The following TMEM17 variants were observed in gnomAD, a reference collection of about 807,000 sequenced individuals.
TMEM17 encodes transmembrane protein 17.
TMEM17 carries 15 observed loss-of-function variants against 19.1 expected under a neutral mutation model. The observed-to-expected ratio is 0.78, with a 90% confidence interval of 0.52 to 1.21. The LOEUF is 1.21. Among genes scored for constraint, TMEM17 ranks in the 50% most tolerant of loss-of-function variants. The probability of loss-of-function intolerance (pLI) is 0.00; values close to 1 mark genes in which losing one functional copy is unlikely to be tolerated. For synonymous variants in TMEM17, 103 were observed against 86.9 expected (o/e 1.19, Z -1.03); for missense variants, 245 against 242.3 (o/e 1.01, Z -0.07).
At chr2:62,493,771 G>C in the TMEM17 span, among the ~76,000 whole-genome samples, 1 of 152,052 alleles carries the variant, frequency 6.6e-6, no homozygotes, top group Non-Finnish European at 1.5e-5. Flanking sequence ...TTTAAATATA[G>C]ATAGACCATT....
the TMEM17 span, among the ~76,000 whole-genome samples, chr2:62,480,324 C>T: frequency 6.6e-6 from 1 of 152,042 alleles, no homozygotes; most frequent in South Asian, 2.1e-4. Context: ...TACTTCTCCT[C>T]CATTGTGAAT....
chr2:62,458,488 G>A, the TMEM17 span, among the ~76,000 whole-genome samples: 2 of 152,214 alleles, frequency 1.3e-5, no homozygotes, highest in Admixed American at 1.3e-4. Flanking sequence ...CCAGCCATGA[G>A]GCTTTGGGAA....
the TMEM17 span, among the ~76,000 whole-genome samples, chr2:62,481,986 G>C: frequency 3.3e-5 from 5 of 152,318 alleles, 1 homozygote; most frequent in African/African-American, 1.2e-4. Flanking sequence ...GGCATCCTCT[G>C]TCATGGAACT....
the TMEM17 span, among the ~76,000 whole-genome samples, chr2:62,457,238 C>T: frequency 6.6e-6 from 1 of 152,252 alleles, no homozygotes; most frequent in Non-Finnish European, 1.5e-5. The surrounding 1 kb of genome is among the most constrained non-coding windows in gnomAD (Gnocchi z 4.2). Context: ...GCCGTCCCAG[C>T]CCCGCAGCCT....
the TMEM17 span, among the ~76,000 whole-genome samples, chr2:62,466,851 C>T: frequency 1.3e-5 from 2 of 152,194 alleles, no homozygotes; most frequent in African/African-American, 4.8e-5. Context: ...AACTGCTCAG[C>T]TGCATGCGGG....
the TMEM17 span, among the ~76,000 whole-genome samples, chr2:62,470,983 T>A: frequency 6.6e-6 from 1 of 152,190 alleles, no homozygotes; most frequent in Non-Finnish European, 1.5e-5. Context: ...GGCTACAGGC[T>A]GCTGCTTCTC....
the TMEM17 span, among the ~76,000 whole-genome samples, chr2:62,479,110 T>C: frequency 6.6e-6 from 1 of 152,228 alleles, no homozygotes; most frequent in South Asian, 2.1e-4. Flanking sequence ...TGAAACTATA[T>C]ATTATTGTTA....
the TMEM17 span, among the ~76,000 whole-genome samples, chr2:62,458,460 A>G: frequency 2.0e-5 from 3 of 152,160 alleles, no homozygotes; most frequent in Admixed American, 2.0e-4. Context: ...CGTGGGTTCA[A>G]TGTCAGCCCA....
At chr2:62,468,040 A>C in the TMEM17 span, among the ~76,000 whole-genome samples, 1 of 152,096 alleles carries the variant, frequency 6.6e-6, no homozygotes, top group Non-Finnish European at 1.5e-5. Flanking sequence ...GGGGTTGAGG[A>C]GTTGTTAGTG....
chr2:62,489,306 G>A, the TMEM17 span, among the ~76,000 whole-genome samples: 2 of 152,198 alleles, frequency 1.3e-5, no homozygotes, highest in South Asian at 2.1e-4. Context: ...GAATGGAGTC[G>A]GAGGTGGAGT....
rs149330570 is a variant in TMEM17, at chr2:62,501,268, G to C, written c.538C>G (p.Arg180Gly). Reference protein sequence around the residue: ...AVRFHLQDFDRLSANRGDMRR... With the variant: ...AVRFHLQDFDGLSANRGDMRR... Reference sequence around the variant, plus strand: ...ATGTCTCCTCTGTTTGCAGAGAGCCGGTCAAAGTCTTGGAGGTGGAAACGA... The same window carrying C: ...ATGTCTCCTCTGTTTGCAGAGAGCCCGTCAAAGTCTTGGAGGTGGAAACGA... The change falls in exon 4 of 4, where the codon CGG becomes GGG. Residue 180 changes from arginine to glycine, a missense_variant. Physicochemically the swap from Arg to Gly is moderately radical, Grantham distance 125. Coordinates refer to ENST00000335390, the MANE Select transcript of TMEM17 (RefSeq NM_198276.3). The C allele has an allele frequency of 1.9e-6, 3 of 1,614,144 alleles. No individual in the cohort carries two copies. The highest frequency in any genetic ancestry group is 2.5e-6 in the Non-Finnish European group (3 of 1,180,026).
At chr2:62,493,847 C>T in the TMEM17 span, among the ~76,000 whole-genome samples, 24 of 152,218 alleles carry the variant, frequency 1.6e-4, no homozygotes, top group African/African-American at 3.6e-4. Flanking sequence ...TGATAACTTC[C>T]GACGCCAGTC....
the TMEM17 span, among the ~76,000 whole-genome samples, chr2:62,493,549 C>T: frequency 0.66 from 100,850 of 152,026 alleles, 33,846 homozygotes; most frequent in African/African-American, 0.77. Flanking sequence ...ATGTTTTTCC[C>T]TGAAAAACAG....
At chr2:62,493,242 G>T in the TMEM17 span, among the ~76,000 whole-genome samples, 2 of 151,896 alleles carry the variant, frequency 1.3e-5, no homozygotes, top group South Asian at 4.2e-4. Context: ...TGCCCAGGCT[G>T]GTCTCAAACT....
chr2:62,493,063 A>C, the TMEM17 span, among the ~76,000 whole-genome samples: 1 of 151,834 alleles, frequency 6.6e-6, no homozygotes, highest in Non-Finnish European at 1.5e-5. Flanking sequence ...ACAGGGTCTT[A>C]CTCTTGCCCA....
At chr2:62,458,414 A>G in the TMEM17 span, among the ~76,000 whole-genome samples, 1 of 152,304 alleles carries the variant, frequency 6.6e-6, no homozygotes, top group South Asian at 2.1e-4. Context: ...TTCCACGTGT[A>G]AGTGCACGCC....
the TMEM17 span, among the ~76,000 whole-genome samples, chr2:62,456,331 G>A: frequency 6.6e-6 from 1 of 152,224 alleles, no homozygotes; most frequent in African/African-American, 2.4e-5. Context: ...ATCCAGAGCT[G>A]CAGTGTTTGC....
chr2:62,464,528 T>C, the TMEM17 span, among the ~76,000 whole-genome samples: 8 of 152,310 alleles, frequency 5.3e-5, no homozygotes, highest in Admixed American at 1.3e-4. Flanking sequence ...AAAACTTCAC[T>C]TCTGTGGTAT....
At chr2:62,453,898 G>T in the TMEM17 span, among the ~76,000 whole-genome samples, 1 of 152,226 alleles carries the variant, frequency 6.6e-6, no homozygotes, top group Non-Finnish European at 1.5e-5. Flanking sequence ...ATCTCATGGA[G>T]GTAAGAGTGG....
Sources: allele counts gnomAD v4.1 joint callset (sites outside exome capture counted in the v4.1 genomes callset), GRCh38; gene constraint gnomAD v4.1.1; non-coding constraint Gnocchi (gnomAD v3.1); transcripts MANE v1.5; gene names NCBI Gene and HGNC (gene_info 2026-07-23, HGNC 2026-07-21).